Variants in SH3BGR observed in about 807,000 individuals in gnomAD.
SH3BGR encodes the protein SH3 domain binding glutamate rich protein.
In SH3BGR, 29 loss-of-function variants were observed where a neutral mutation model predicts 24.5. The observed-to-expected ratio is 1.18, with a 90% CI of 0.88 to 1.61. SH3BGR has a LOEUF of 1.61. SH3BGR is among the 40% of genes most tolerant of loss of function. SH3BGR has a pLI of 0.00. For missense variants in SH3BGR, 162 were observed against 205.8 expected, an observed-to-expected ratio of 0.79 and a Z score of 1.30; for synonymous variants, 55 against 65.7, an observed-to-expected ratio of 0.84 and a Z score of 0.79.
At chr21:39,473,269 C>G (rs1326181191) in intron 2 of SH3BGR, among the ~76,000 whole-genome samples, 1 of 152,102 alleles carries the variant, frequency 6.6e-6, no homozygotes, top group African/African-American at 2.4e-5. Context: ...CTAGAGTTGG[C>G]CAACTAAAGA....
At chr21:39,456,263 G>T (rs1409917366) in intron 1 of SH3BGR, among the ~76,000 whole-genome samples, 2 of 152,182 alleles carry the variant, frequency 1.3e-5, no homozygotes, top group African/African-American at 4.8e-5. Context: ...GCAGACAGGG[G>T]TTTGGACCGA....
chr21:39,499,669 C>G (rs118143199), intron 3 of SH3BGR, among the ~76,000 whole-genome samples, 154 bp from the exon 4 acceptor site: 88 of 152,258 alleles, frequency 5.8e-4, no homozygotes, highest in Non-Finnish European at 1.2e-3. Flanking sequence ...AGATCCTATG[C>G]TCTAGTCGCT....
At chr21:39,513,384 C>T (rs2078730438) in intron 6 of SH3BGR, among the ~76,000 whole-genome samples, 1 of 152,060 alleles carries the variant, frequency 6.6e-6, no homozygotes, top group South Asian at 2.1e-4. Context: ...CTCTTTGCAC[C>T]AAAGTCCAAT....
At chr21:39,493,513 T>C (rs566879877) in intron 3 of SH3BGR, among the ~76,000 whole-genome samples, 1 of 152,350 alleles carries the variant, frequency 6.6e-6, no homozygotes, top group East Asian at 1.9e-4. Context: ...TTTTGGTGAC[T>C]ATGGCCTTAT....
chr21:39,476,084 A>C (rs2078022818), intron 3 of SH3BGR, among the ~76,000 whole-genome samples: 2 of 152,192 alleles, frequency 1.3e-5, no homozygotes, highest in Admixed American at 1.3e-4. Flanking sequence ...GAAACAGAGT[A>C]ATGAGAGAGT....
chr21:39,510,189 G>A lies in SH3BGR; in HGVS notation c.435+1162G>A, dbSNP rs559439870. Among the ~76,000 whole-genome samples the A allele has an allele frequency of 6.3e-4, 80 of 127,234 alleles. 8 individuals carry two copies. The highest frequency in any genetic ancestry group is 2.9e-3 in the East Asian group (15 of 5,102). The allele number at this position is 127,234 out of a possible 152,430, so 83.5% of individuals were successfully genotyped here. ...GATCTCCTGACCTTGTGATCCGCCC[G>A]CCTCGGCCTCCCAAAGTGCTGGGAT... On this transcript the variant is annotated intron_variant, in intron 5 of 6. Transcript: ENST00000333634.
intron 4 of SH3BGR, among the ~76,000 whole-genome samples, chr21:39,500,782 CAGAT>C (rs968415082): frequency 1.3e-5 from 2 of 152,050 alleles, no homozygotes; most frequent in Non-Finnish European, 2.9e-5. Context: ...CCTCATTCAC[CAGAT>C]AGAATGTGGC....
Position 39,515,191 on chromosome 21 carries a change from T to C in SH3BGR, c.*138T>C, listed in dbSNP as rs1032375171. The C allele has an allele frequency of 3.0e-5, 14 of 466,890 alleles. No individual in the cohort carries two copies. The highest frequency in any genetic ancestry group is 4.9e-5 in the Non-Finnish European group (11 of 225,316). The allele number at this position is 466,890 out of a possible 1,614,324, so 28.9% of individuals were successfully genotyped here. On this transcript the variant is annotated 3_prime_UTR_variant, in exon 7 of 7. Transcript: ENST00000333634. ...CACACCCAGGGTTACTGAGGACTTA[T>C]GCTGCCTGACCTGGTTAGATGTACA...
chr21:39,475,309 C>A (rs1322324818), intron 3 of SH3BGR, 94 bp downstream of exon 3: 2 of 763,214 alleles, frequency 2.6e-6, no homozygotes, highest in South Asian at 1.5e-5. Flanking sequence ...ACATGATGAT[C>A]TCTAAATTAA....
At chr21:39,464,011 T>C (rs998199668) in intron 2 of SH3BGR, among the ~76,000 whole-genome samples, 3 of 152,150 alleles carry the variant, frequency 2.0e-5, no homozygotes, top group African/African-American at 7.2e-5. Flanking sequence ...TATGCTTCTT[T>C]CCTAGCTTCT....
chr21:39,461,455 G>A (rs1360730109), intron 1 of SH3BGR, among the ~76,000 whole-genome samples: 1 of 151,954 alleles, frequency 6.6e-6, no homozygotes, highest in African/African-American at 2.4e-5. Context: ...ATCTTAATTG[G>A]CTTTTGTGAT....
upstream of SH3BGR, among the ~76,000 whole-genome samples, chr21:39,449,463 T>C (rs2077549035): frequency 6.6e-6 from 1 of 152,196 alleles, no homozygotes; most frequent in African/African-American, 2.4e-5. Flanking sequence ...GAAGTGGATT[T>C]TGTAAGTCAG....
At chr21:39,478,346 C>G (rs1346404501) in intron 3 of SH3BGR, among the ~76,000 whole-genome samples, 1 of 152,210 alleles carries the variant, frequency 6.6e-6, no homozygotes, top group African/African-American at 2.4e-5. Context: ...GGTGCCGCTC[C>G]ATCATCTCTT....
At chr21:39,507,223 G>T (rs2078598207) in intron 4 of SH3BGR, among the ~76,000 whole-genome samples, 1 of 152,216 alleles carries the variant, frequency 6.6e-6, no homozygotes, top group African/African-American at 2.4e-5. Flanking sequence ...CAAGTTCAGT[G>T]CCCGTCTCAG....
intron 2 of SH3BGR, among the ~76,000 whole-genome samples, chr21:39,467,607 G>C (rs1485389954): frequency 6.6e-6 from 1 of 152,066 alleles, no homozygotes; most frequent in Non-Finnish European, 1.5e-5. Context: ...GGATATGCAG[G>C]CTCAAAATAA....
At chr21:39,448,275 T>C (rs79459980), upstream of SH3BGR, among the ~76,000 whole-genome samples, 28,052 of 152,150 alleles carry the variant, frequency 0.18, 2,726 homozygotes, top group Middle Eastern at 0.27. Flanking sequence ...TGGTGAACAA[T>C]ATTCAACCCA....
At chr21:39,464,035 G>A (rs140433751) in intron 2 of SH3BGR, among the ~76,000 whole-genome samples, 2,068 of 152,166 alleles carry the variant, frequency 0.014, 26 homozygotes, top group Middle Eastern at 0.027. Flanking sequence ...GCTTGCCACC[G>A]GTTCTTAGCA....
At chr21:39,513,039 C>A (rs1027983217) in intron 6 of SH3BGR, among the ~76,000 whole-genome samples, 52 of 152,124 alleles carry the variant, frequency 3.4e-4, no homozygotes, top group Admixed American at 3.4e-3. Context: ...TTTTATCTCC[C>A]ATATTATGCC....
chr21:39,498,856 T>A (rs1417482400), intron 3 of SH3BGR, among the ~76,000 whole-genome samples: 2 of 152,220 alleles, frequency 1.3e-5, no homozygotes, highest in Non-Finnish European at 2.9e-5. Context: ...TGTATTAGTC[T>A]ATTTTCATAC....
Sources: allele counts gnomAD v4.1 joint callset (sites outside exome capture counted in the v4.1 genomes callset), GRCh38; gene constraint gnomAD v4.1.1; transcripts MANE v1.5; gene names NCBI Gene and HGNC (gene_info 2026-07-23, HGNC 2026-07-21).